Variants in NRXN3 observed in about 807,000 individuals in gnomAD.
NRXN3 encodes the protein neurexin III.
A neutral mutation model predicts 137.6 loss-of-function variants in NRXN3; 32 were observed. That is an observed-to-expected ratio of 0.23 (90% CI 0.18 to 0.31). The LOEUF (loss-of-function observed/expected upper bound fraction) is 0.31. Among genes scored for constraint, NRXN3 ranks in the 10% least tolerant of loss-of-function variants. The probability of loss-of-function intolerance (pLI) is 1.00; values close to 1 mark genes in which losing one functional copy is unlikely to be tolerated. For synonymous variants in NRXN3, 798 were observed against 784.5 expected, an observed-to-expected ratio of 1.02 and a Z score of -0.29; for missense variants, 1,574 against 2,062.5, an observed-to-expected ratio of 0.76 and a Z score of 4.59.
In NRXN3 at chr14:78,289,850, G is replaced by A. The variant is rs185068074; in HGVS notation, c.728-7981G>A. Among the ~76,000 whole-genome samples the A allele has an allele frequency of 4.4e-3, 665 of 152,282 alleles. 2 individuals are homozygous for A. The highest frequency in any genetic ancestry group is 7.1e-3 in the Non-Finnish European group (481 of 68,024). On this transcript the variant is annotated intron_variant, in intron 3 of 20. Coordinates refer to ENST00000335750, the MANE Select transcript of NRXN3 (RefSeq NM_001330195.2). The stretch of plus-strand genomic sequence containing the variant: ...AATCGCTTGAACCTGGGAGGCAGAG[G>A]TTGCAGTGAGCTGAGATTGTGCCAC...
intron 4 of NRXN3, among the ~76,000 whole-genome samples, chr14:78,623,144 C>T (rs2152505901): frequency 6.6e-6 from 1 of 152,288 alleles, no homozygotes; most frequent in East Asian, 1.9e-4. Flanking sequence ...ACTCCAAAGC[C>T]TGAGCATTAT....
chr14:78,975,623 A>T (rs1369791526), intron 14 of NRXN3, among the ~76,000 whole-genome samples: 2 of 152,276 alleles, frequency 1.3e-5, no homozygotes, highest in East Asian at 3.9e-4. Flanking sequence ...AGAAACAGAG[A>T]GCAGATTCAG....
chr14:78,333,845 T>G (rs214001), intron 4 of NRXN3, among the ~76,000 whole-genome samples: 73,206 of 151,848 alleles, frequency 0.48, 18,159 homozygotes, highest in Admixed American at 0.59. Flanking sequence ...ATTTTAATAG[T>G]ATCCCTCTGG....
intron 15 of NRXN3, among the ~76,000 whole-genome samples, chr14:79,306,878 G>T (rs1347615645): frequency 2.6e-5 from 4 of 152,188 alleles, no homozygotes. Context: ...ACAGATTCTA[G>T]TTTTCCCCAT....
At chr14:79,286,189 C>G (rs1274190122) in intron 15 of NRXN3, among the ~76,000 whole-genome samples, 3 of 152,054 alleles carry the variant, frequency 2.0e-5, no homozygotes, top group African/African-American at 7.2e-5. Context: ...TTAAAGCTTT[C>G]TTTACCTAGA....
At chr14:79,205,283 A>G (rs1050834871) in intron 15 of NRXN3, among the ~76,000 whole-genome samples, 6 of 152,142 alleles carry the variant, frequency 3.9e-5, no homozygotes, top group Admixed American at 3.9e-4. Context: ...TCCATTTAAC[A>G]GTTAGTTGTA....
chr14:79,755,962 T>A (rs536467915), intron 19 of NRXN3, among the ~76,000 whole-genome samples: 1 of 152,306 alleles, frequency 6.6e-6, no homozygotes, highest in Admixed American at 6.5e-5. Flanking sequence ...GTCCCCACTC[T>A]TATAATTGAA....
intron 15 of NRXN3, among the ~76,000 whole-genome samples, chr14:79,259,086 CA>C (rs953033619): frequency 2.6e-5 from 4 of 151,416 alleles, no homozygotes; most frequent in Admixed American, 6.6e-5. Flanking sequence ...GAGACACTTG[CA>C]AAAAAAAGAT....
At chr14:79,827,976 G>A (rs987466831) in intron 20 of NRXN3, among the ~76,000 whole-genome samples, 9 of 152,196 alleles carry the variant, frequency 5.9e-5, no homozygotes, top group Non-Finnish European at 1.3e-4. Flanking sequence ...GATTACAGGC[G>A]TGAGCCACAG....
At chr14:78,253,381 G>A (rs1276958414) in intron 2 of NRXN3, among the ~76,000 whole-genome samples, 1 of 152,168 alleles carries the variant, frequency 6.6e-6, no homozygotes, top group Non-Finnish European at 1.5e-5. Flanking sequence ...ACATTATAAA[G>A]TATCATGGGA....
chr14:78,564,580 A>G (rs528055461), intron 4 of NRXN3, among the ~76,000 whole-genome samples: 1 of 152,362 alleles, frequency 6.6e-6, no homozygotes, highest in Admixed American at 6.5e-5. Context: ...TCTAGGAGGT[A>G]TATGGGTTAG....
chr14:79,342,065 C>A (rs549764186), intron 15 of NRXN3, among the ~76,000 whole-genome samples: 1 of 152,322 alleles, frequency 6.6e-6, no homozygotes, highest in Admixed American at 6.5e-5. Flanking sequence ...AAGTGGAAAT[C>A]TTTGCCTCTG....
At chr14:78,370,354 G>A (rs887895) in intron 4 of NRXN3, among the ~76,000 whole-genome samples, 148,477 of 151,748 alleles carry the variant, frequency 0.98, 72,689 homozygotes, top group Non-Finnish European at 1. Context: ...TTCCTCTTGA[G>A]ATGTCCTTTG....
At chr14:79,000,427 G>A (rs2099539113) in intron 15 of NRXN3, among the ~76,000 whole-genome samples, 1 of 152,098 alleles carries the variant, frequency 6.6e-6, no homozygotes, top group Non-Finnish European at 1.5e-5. Context: ...TTCTGTAAAG[G>A]TAAGGTATCT....
chr14:79,375,208 G>T (rs2094228198), intron 15 of NRXN3, among the ~76,000 whole-genome samples: 1 of 149,582 alleles, frequency 6.7e-6, no homozygotes, highest in East Asian at 2.0e-4. Flanking sequence ...AATGTTCTTG[G>T]ACTTACCAGT....
At chr14:79,358,611 A>AAG (rs1289342125) in intron 15 of NRXN3, among the ~76,000 whole-genome samples, 23 of 61,274 alleles carry the variant, frequency 3.8e-4, no homozygotes, top group African/African-American at 1.2e-3. Flanking sequence ...AAGAAAGAGA[A>AAG]AGAAAGAAAG....
intron 4 of NRXN3, among the ~76,000 whole-genome samples, chr14:78,335,559 A>G (rs777842657): frequency 1.3e-5 from 2 of 152,230 alleles, no homozygotes; most frequent in African/African-American, 2.4e-5. Context: ...TACTAGTATC[A>G]TTAGTTCAAA....
chr14:79,044,518 A>C (rs1239837208), intron 15 of NRXN3, among the ~76,000 whole-genome samples: 1 of 152,214 alleles, frequency 6.6e-6, no homozygotes, highest in Non-Finnish European at 1.5e-5. Context: ...TGAAGTAGTG[A>C]AAGCTCATAG....
intron 1 of NRXN3, among the ~76,000 whole-genome samples, chr14:78,219,716 T>G (rs539305661): frequency 1.3e-5 from 2 of 152,350 alleles, no homozygotes; most frequent in Admixed American, 1.3e-4. Context: ...GAGCTTGGAC[T>G]CTTTCCTATT....
Sources: allele counts gnomAD v4.1 joint callset (sites outside exome capture counted in the v4.1 genomes callset), GRCh38; gene constraint gnomAD v4.1.1; transcripts MANE v1.5; gene names NCBI Gene and HGNC (gene_info 2026-07-23, HGNC 2026-07-21).